QTMAN: variants seen among roughly 807,000 people sequenced by gnomAD.
The protein encoded by QTMAN is tRNA-queuosine alpha-mannosyltransferase.
chr2:144,145,314 T>A, the QTMAN span, among the ~76,000 whole-genome samples: 2 of 152,006 alleles, frequency 1.3e-5, no homozygotes, highest in East Asian at 3.9e-4. Context: ...TGCCAACCTT[T>A]TAATTCTATT....
At chr2:144,256,546 T>C in the QTMAN span, among the ~76,000 whole-genome samples, 1 of 152,288 alleles carries the variant, frequency 6.6e-6, no homozygotes, top group East Asian at 1.9e-4. Flanking sequence ...TCATGTCCTT[T>C]GCAGGGACAT....
At chr2:143,952,754 T>C in the QTMAN span, 2 of 1,469,464 alleles carry the variant, frequency 1.4e-6, no homozygotes, top group Non-Finnish European at 1.9e-6. Flanking sequence ...TAAAGATGAA[T>C]GTACATTAAA....
chr2:144,015,699 T>A, the QTMAN span, among the ~76,000 whole-genome samples: 1 of 152,202 alleles, frequency 6.6e-6, no homozygotes. Flanking sequence ...ACAGTAAGCC[T>A]GTGAAGAAGA....
chr2:143,952,384 G>T, the QTMAN span, among the ~76,000 whole-genome samples: 1 of 151,056 alleles, frequency 6.6e-6, no homozygotes, highest in Admixed American at 6.6e-5. Flanking sequence ...TTATGTACCC[G>T]TACAACAGTT....
At chr2:144,127,069 A>G in the QTMAN span, among the ~76,000 whole-genome samples, 1 of 151,934 alleles carries the variant, frequency 6.6e-6, no homozygotes, top group African/African-American at 2.4e-5. Context: ...TTAATCATCT[A>G]CCTACAGTTA....
At chr2:144,009,175 T>C in the QTMAN span, among the ~76,000 whole-genome samples, 1 of 152,008 alleles carries the variant, frequency 6.6e-6, no homozygotes, top group Non-Finnish European at 1.5e-5. Flanking sequence ...CCTCGCTTTC[T>C]TGCAAAGCTG....
chr2:144,228,768 G>A, the QTMAN span, among the ~76,000 whole-genome samples: 132 of 152,318 alleles, frequency 8.7e-4, 1 homozygote, highest in African/African-American at 3.0e-3. Flanking sequence ...AGATGAGCCT[G>A]ATCAACATGG....
chr2:144,316,833 C>A, the QTMAN span, among the ~76,000 whole-genome samples: 8 of 152,146 alleles, frequency 5.3e-5, 1 homozygote, highest in Non-Finnish European at 4.4e-5. Context: ...CAGACAATCA[C>A]CAGAAAGAAA....
At chr2:144,217,423 T>C in the QTMAN span, among the ~76,000 whole-genome samples, 8 of 151,942 alleles carry the variant, frequency 5.3e-5, no homozygotes, top group African/African-American at 1.9e-4. Context: ...GTTTAATAAT[T>C]ATTAATATTT....
chr2:144,100,224 GA>G, the QTMAN span, among the ~76,000 whole-genome samples: 8 of 152,296 alleles, frequency 5.3e-5, no homozygotes, highest in Non-Finnish European at 1.2e-4. Flanking sequence ...TGCTCTCAGT[GA>G]AACTAGAGAG....
chr2:144,208,541 C>T, the QTMAN span: 1 of 1,363,244 alleles, frequency 7.3e-7, no homozygotes, highest in Non-Finnish European at 1.0e-6. Flanking sequence ...GATGGAGAAG[C>T]AACATCCTCA....
chr2:144,098,937 T>A, the QTMAN span, among the ~76,000 whole-genome samples: 1 of 152,130 alleles, frequency 6.6e-6, no homozygotes, highest in East Asian at 1.9e-4. Flanking sequence ...TTCCAGTGTT[T>A]TACACATTGC....
At chr2:144,296,861 CA>C in the QTMAN span, among the ~76,000 whole-genome samples, 3 of 152,008 alleles carry the variant, frequency 2.0e-5, no homozygotes, top group Non-Finnish European at 4.4e-5. Flanking sequence ...AGACAAATGA[CA>C]AACCAAGAAA....
the QTMAN span, among the ~76,000 whole-genome samples, chr2:144,055,620 G>A: frequency 1.3e-5 from 2 of 152,102 alleles, no homozygotes; most frequent in East Asian, 3.9e-4. Context: ...CTGCTCACAC[G>A]GGTGGGCAGC....
chr2:144,000,859 G>T, the QTMAN span, among the ~76,000 whole-genome samples: 1 of 151,924 alleles, frequency 6.6e-6, no homozygotes, highest in African/African-American at 2.4e-5. Context: ...CATTGAAATA[G>T]AACAAAGAAC....
the QTMAN span, among the ~76,000 whole-genome samples, chr2:144,266,632 T>C: frequency 2.6e-5 from 4 of 152,302 alleles, no homozygotes; most frequent in East Asian, 7.7e-4. Flanking sequence ...AGTTGAAACA[T>C]CTCTTAAGAG....
chr2:144,118,875 C>T, the QTMAN span, among the ~76,000 whole-genome samples: 1 of 152,180 alleles, frequency 6.6e-6, no homozygotes, highest in Admixed American at 6.5e-5. Flanking sequence ...AGCAAGACTT[C>T]ATCTCAAAAT....
the QTMAN span, among the ~76,000 whole-genome samples, chr2:144,055,096 T>C: frequency 2.0e-4 from 31 of 152,098 alleles, no homozygotes; most frequent in Non-Finnish European, 4.0e-4. Context: ...AAAATGAACT[T>C]AGGCTAGCGG....
chr2:144,161,562 T>C, the QTMAN span, among the ~76,000 whole-genome samples: 3 of 152,116 alleles, frequency 2.0e-5, no homozygotes, highest in Non-Finnish European at 4.4e-5. Flanking sequence ...GTCCCTACAG[T>C]TGAAAAAAAC....
Sources: allele counts gnomAD v4.1 joint callset (sites outside exome capture counted in the v4.1 genomes callset), GRCh38; gene constraint gnomAD v4.1.1; transcripts MANE v1.5; gene names NCBI Gene and HGNC (gene_info 2026-07-23, HGNC 2026-07-21).